Variants in ROBO2 observed in about 807,000 individuals in gnomAD.
ROBO2 encodes roundabout guidance receptor 2.
Under a neutral mutation model 160.8 loss-of-function variants are expected in ROBO2, and 53 were observed. The observed-to-expected ratio is 0.33, with a 90% CI of 0.26 to 0.41. ROBO2 has a LOEUF of 0.41. Ranked by LOEUF, ROBO2 falls within the 10% of genes least tolerant of loss-of-function variation. ROBO2 has a pLI of 1.00. For synonymous variants in ROBO2, 664 were observed against 611.7 expected (o/e 1.09, Z -1.26); for missense variants, 1,577 against 1,722.4 (o/e 0.92, Z 1.49).
intron 2 of ROBO2, among the ~76,000 whole-genome samples, chr3:76,768,569 T>C (rs1313595297): frequency 2.0e-5 from 3 of 151,258 alleles, no homozygotes; most frequent in East Asian, 3.9e-4. Flanking sequence ...ATATACTGTA[T>C]AGTAGATTGT....
At chr3:77,176,926 A>G (rs2080218491) in intron 2 of ROBO2, among the ~76,000 whole-genome samples, 1 of 152,004 alleles carries the variant, frequency 6.6e-6, no homozygotes, top group Non-Finnish European at 1.5e-5. Flanking sequence ...AGAAAAGACA[A>G]TAAAAATGTT....
intron 2 of ROBO2, among the ~76,000 whole-genome samples, chr3:76,939,100 T>C (rs9852281): frequency 0.46 from 69,493 of 151,904 alleles, 16,290 homozygotes; most frequent in African/African-American, 0.56. Context: ...AAGATAATAT[T>C]TGTAATAGAA....
At chr3:76,854,110 T>C (rs970731182) in intron 2 of ROBO2, among the ~76,000 whole-genome samples, 14 of 148,290 alleles carry the variant, frequency 9.4e-5, no homozygotes. Flanking sequence ...AATTATAGCA[T>C]GTTATACCTA....
intron 2 of ROBO2, among the ~76,000 whole-genome samples, chr3:76,531,972 T>C (rs1431406690): frequency 1.3e-5 from 2 of 152,146 alleles, no homozygotes; most frequent in Non-Finnish European, 1.5e-5. Flanking sequence ...GTGACATGTC[T>C]GGTAAGAGTT....
intron 2 of ROBO2, among the ~76,000 whole-genome samples, chr3:76,628,633 G>A (rs975462063): frequency 2.0e-5 from 3 of 151,828 alleles, no homozygotes; most frequent in Non-Finnish European, 4.4e-5. Flanking sequence ...TTCCTCACTG[G>A]TCTAAAAAGT....
intron 2 of ROBO2, among the ~76,000 whole-genome samples, chr3:76,923,274 C>T (rs756234730): frequency 6.6e-6 from 1 of 152,198 alleles, no homozygotes; most frequent in Non-Finnish European, 1.5e-5. Flanking sequence ...ACACCGTTAT[C>T]ATCCTTTCTA....
intron 2 of ROBO2, among the ~76,000 whole-genome samples, chr3:76,039,972 G>T (rs1225252355): frequency 6.6e-6 from 1 of 151,954 alleles, no homozygotes; most frequent in Non-Finnish European, 1.5e-5. Context: ...TTATTGCTGT[G>T]TTAAATAATA....
chr3:77,027,932 C>G (rs1042245898), intron 2 of ROBO2, among the ~76,000 whole-genome samples: 1 of 152,096 alleles, frequency 6.6e-6, no homozygotes, highest in Non-Finnish European at 1.5e-5. Context: ...ATAAAAGCTA[C>G]AAAGCAAAAT....
intron 2 of ROBO2, among the ~76,000 whole-genome samples, chr3:76,050,696 T>G (rs920553933): frequency 6.6e-6 from 1 of 152,174 alleles, no homozygotes; most frequent in Non-Finnish European, 1.5e-5. Context: ...GCTCTCCCTC[T>G]TCTCTCTCCA....
chr3:77,020,407 T>G (rs2062555969), intron 2 of ROBO2, among the ~76,000 whole-genome samples: 1 of 152,174 alleles, frequency 6.6e-6, no homozygotes, highest in African/African-American at 2.4e-5. Context: ...CAATGCATGT[T>G]AGAAAACCTT....
At chr3:76,790,368 C>T (rs1405242335) in intron 2 of ROBO2, among the ~76,000 whole-genome samples, 2 of 151,636 alleles carry the variant, frequency 1.3e-5, no homozygotes, top group Non-Finnish European at 3.0e-5. Flanking sequence ...TTTTCAGAAG[C>T]CTTAATGGTG....
chr3:77,591,292 G>A (rs538196465), intron 17 of ROBO2, among the ~76,000 whole-genome samples: 1 of 152,238 alleles, frequency 6.6e-6, no homozygotes, highest in East Asian at 1.9e-4. Flanking sequence ...GAAAGGGAAT[G>A]AGGCTTGCCT....
intron 2 of ROBO2, among the ~76,000 whole-genome samples, chr3:76,124,881 C>T (rs2070908497): frequency 6.6e-6 from 1 of 152,082 alleles, no homozygotes; most frequent in African/African-American, 2.4e-5. Context: ...ACAGAGGGTA[C>T]ATATGCAGAT....
chr3:75,939,771 T>C lies in ROBO2; in HGVS notation c.109+2169T>C, dbSNP rs549357353. Among the ~76,000 whole-genome samples, 28 of 152,250 alleles carry C rather than the reference T, an allele frequency of 1.8e-4. No individual in the cohort carries two copies. In the East Asian group the frequency reaches 5.0e-3, roughly 27 times the overall value. On this transcript the variant is annotated intron_variant, in intron 2 of 26. Coordinates refer to the ROBO2 transcript ENST00000487694. ...AATATTAAATATTACCTTTTAACTT[T>C]TATGCAATTAAGCAGAATTTAAAAA... is the stretch of plus-strand genomic sequence containing the variant.
rs1168644400 is a variant in ROBO2, at chr3:77,577,759, G to A, written c.2328+145G>A. On this transcript the variant is annotated intron_variant, in intron 15 of 25. Coordinates refer to ENST00000461745, the Ensembl canonical transcript of ROBO2. ...TTTATATTTCTGTGTGACAGAGAAT[G>A]AAACAAATGCATAGGTATTAGAACC... is the stretch of plus-strand genomic sequence containing the variant. The A allele has an allele frequency of 6.8e-6, 7 of 1,024,666 alleles. No individual in the cohort carries two copies. In the Admixed American group the frequency reaches 8.1e-5, roughly 12 times the overall value. The allele number at this position is 1,024,666 out of a possible 1,614,324, so 63.5% of individuals were successfully genotyped here.
At chr3:77,579,884 G>C in intron 15 of ROBO2, 63 bp from the exon 17 acceptor site, 2 of 1,398,610 alleles carry the variant, frequency 1.4e-6, no homozygotes, top group Non-Finnish European at 2.0e-6. Flanking sequence ...ATCAGTTACA[G>C]TAGTCTCGTT....
intron 2 of ROBO2, among the ~76,000 whole-genome samples, chr3:77,445,794 G>GTTTTTTTTTTTTTTTTTTTTT (rs199914360): frequency 8.1e-6 from 1 of 123,076 alleles, no homozygotes; most frequent in Non-Finnish European, 1.7e-5. Context: ...GTTTTTTTTT[G>GTTTTTTTTTTTTTTTTTTTTT]TTTTTTTTTT....
At chr3:77,546,389 G>A (rs575736512) in exon 7 of ROBO2, 7 of 1,613,124 alleles carry the variant, frequency 4.3e-6, no homozygotes, top group South Asian at 1.1e-5. Context: ...GCTCAAGGTC[G>A]AACAGTGACA....
chr3:76,051,483 T>C (rs1008024861), intron 2 of ROBO2, among the ~76,000 whole-genome samples: 2 of 152,200 alleles, frequency 1.3e-5, no homozygotes, highest in African/African-American at 4.8e-5. Context: ...TCATGGTTTC[T>C]GACAGGTAAA....
Sources: allele counts gnomAD v4.1 joint callset (sites outside exome capture counted in the v4.1 genomes callset), GRCh38; gene constraint gnomAD v4.1.1; transcripts MANE v1.5; gene names NCBI Gene and HGNC (gene_info 2026-07-23, HGNC 2026-07-21).